GALNT13: variants seen among roughly 807,000 people sequenced by gnomAD.
The protein encoded by GALNT13 is polypeptide N-acetylgalactosaminyltransferase 13, also known as UDP-GalNAc:polypeptide N-acetylgalactosaminyltransferase 13.
GALNT13 carries 28 observed loss-of-function variants against 64.2 expected under a neutral mutation model. The ratio of observed to expected loss-of-function variants is 0.44; its 90% confidence interval spans 0.32 to 0.60. GALNT13 has a LOEUF of 0.60. GALNT13 is among the 20% of genes least tolerant of loss of function. The pLI is 0.05. For missense variants in GALNT13, 577 were observed against 669.8 expected (o/e 0.86, Z 1.53); for synonymous variants, 214 against 224.6 (o/e 0.95, Z 0.42).
chr2:154,147,634 G>A (rs1683695252), intron 4 of GALNT13, among the ~76,000 whole-genome samples: 2 of 151,784 alleles, frequency 1.3e-5, no homozygotes, highest in African/African-American at 4.8e-5. Flanking sequence ...AGGTAAACAG[G>A]TATGGAGCCT....
intron 7 of GALNT13, among the ~76,000 whole-genome samples, chr2:154,256,240 A>T (rs1397581127): frequency 6.7e-6 from 1 of 149,206 alleles, no homozygotes; most frequent in African/African-American, 2.5e-5. Context: ...AGATTCACCC[A>T]AGCACCAAAA....
the GALNT13 span, among the ~76,000 whole-genome samples, chr2:153,850,803 T>C: frequency 6.6e-6 from 1 of 152,066 alleles, no homozygotes; most frequent in Non-Finnish European, 1.5e-5. Flanking sequence ...GAAGAAAAGA[T>C]TAGTTAAGTT....
chr2:153,980,903 C>T (rs1694417546), intron 3 of GALNT13, among the ~76,000 whole-genome samples: 1 of 152,060 alleles, frequency 6.6e-6, no homozygotes, highest in Admixed American at 6.6e-5. Flanking sequence ...GAGGAGATAC[C>T]TGTGTATAGG....
chr2:153,811,700 A>G, the GALNT13 span, among the ~76,000 whole-genome samples: 15 of 152,160 alleles, frequency 9.9e-5, no homozygotes, highest in African/African-American at 3.6e-4. Context: ...GTGGCTCCTT[A>G]TTTAGAGCTC....
chr2:154,153,290 A>T (rs1385098958), intron 4 of GALNT13, among the ~76,000 whole-genome samples: 1 of 147,050 alleles, frequency 6.8e-6, no homozygotes, highest in Non-Finnish European at 1.5e-5. Context: ...ATTCCTCTGG[A>T]AGTGTCTCAG....
At chr2:154,323,059 G>T (rs907323958) in intron 9 of GALNT13, among the ~76,000 whole-genome samples, 1 of 151,910 alleles carries the variant, frequency 6.6e-6, no homozygotes, top group Non-Finnish European at 1.5e-5. Context: ...AGGAGCACAA[G>T]AATTCTTTTG....
chr2:154,208,624 C>CTGTG (rs57789546), intron 4 of GALNT13, among the ~76,000 whole-genome samples: 1,558 of 140,434 alleles, frequency 0.011, 18 homozygotes, highest in Admixed American at 0.026. Flanking sequence ...TTTTGCGTGT[C>CTGTG]TGTGTGTGTG....
At chr2:153,579,585 GAA>G in the GALNT13 span, among the ~76,000 whole-genome samples, 1 of 152,262 alleles carries the variant, frequency 6.6e-6, no homozygotes, top group South Asian at 2.1e-4. Context: ...AGAAAAGAGA[GAA>G]AATAGCATGA....
At chr2:153,626,664 A>C in the GALNT13 span, among the ~76,000 whole-genome samples, 1 of 152,140 alleles carries the variant, frequency 6.6e-6, no homozygotes, top group African/African-American at 2.4e-5. Context: ...TTGTTGGTGA[A>C]AAGTAATTGG....
At chr2:153,805,686 A>C in the GALNT13 span, among the ~76,000 whole-genome samples, 1 of 152,226 alleles carries the variant, frequency 6.6e-6, no homozygotes, top group African/African-American at 2.4e-5. Flanking sequence ...ATGTAAAAAT[A>C]GTTTTGAGAG....
intron 4 of GALNT13, among the ~76,000 whole-genome samples, chr2:154,195,302 T>A (rs1479978390): frequency 6.6e-6 from 1 of 152,216 alleles, no homozygotes; most frequent in Non-Finnish European, 1.5e-5. Context: ...AATTTGCTTT[T>A]CTTAGCATTT....
the GALNT13 span, among the ~76,000 whole-genome samples, chr2:153,071,708 G>T: frequency 6.6e-6 from 1 of 152,198 alleles, no homozygotes; most frequent in African/African-American, 2.4e-5. Context: ...CCTTTCTGAA[G>T]AAATTATTTC....
the GALNT13 span, among the ~76,000 whole-genome samples, chr2:153,296,508 G>C: frequency 6.6e-6 from 1 of 152,162 alleles, no homozygotes; most frequent in Non-Finnish European, 1.5e-5. Context: ...ATAATGGAGA[G>C]AGAAAACAGC....
chr2:153,717,145 C>A, the GALNT13 span, among the ~76,000 whole-genome samples: 19 of 152,294 alleles, frequency 1.2e-4, 1 homozygote, highest in South Asian at 3.7e-3. Flanking sequence ...ATTCCCCCGA[C>A]ATAAGAGCAT....
At chr2:153,764,904 G>A in the GALNT13 span, among the ~76,000 whole-genome samples, 3 of 152,238 alleles carry the variant, frequency 2.0e-5, no homozygotes, top group Non-Finnish European at 4.4e-5. Flanking sequence ...GCTTCAGAGG[G>A]TGCAGGTGCA....
At chr2:153,150,034 G>A in the GALNT13 span, among the ~76,000 whole-genome samples, 2 of 151,724 alleles carry the variant, frequency 1.3e-5, no homozygotes, top group South Asian at 2.1e-4. Flanking sequence ...TATCTCCTCT[G>A]TCTCTGTGTC....
chr2:153,685,262 T>C, the GALNT13 span, among the ~76,000 whole-genome samples: 3 of 151,922 alleles, frequency 2.0e-5, no homozygotes, highest in Non-Finnish European at 4.4e-5. Context: ...TAAATTACAT[T>C]CCCACCAACA....
chr2:153,857,293 T>C, the GALNT13 span, among the ~76,000 whole-genome samples: 1 of 152,182 alleles, frequency 6.6e-6, no homozygotes, highest in African/African-American at 2.4e-5. Context: ...TGTTATATAT[T>C]TACCAGCGTA....
the GALNT13 span, among the ~76,000 whole-genome samples, chr2:153,164,454 A>G: frequency 6.6e-6 from 1 of 152,264 alleles, no homozygotes; most frequent in East Asian, 1.9e-4. Context: ...ACATCTTGGC[A>G]AAACTGCTAA....
Sources: gnomAD v4.1 joint callset for allele counts (sites outside exome capture counted in the v4.1 genomes callset) on GRCh38, gnomAD v4.1.1 for gene constraint, MANE v1.5 for transcripts, NCBI Gene and HGNC (gene_info 2026-07-23, HGNC 2026-07-21) for gene names.